The following ELK4 variants were observed in gnomAD, a reference collection of about 807,000 sequenced individuals.
ELK4 encodes the protein ETS domain-containing protein Elk-4.
In ELK4, 16 loss-of-function variants were observed where a neutral mutation model predicts 29.6. The ratio of observed to expected loss-of-function variants is 0.54; its 90% CI spans 0.37 to 0.82. The LOEUF (loss-of-function observed/expected upper bound fraction) is 0.82, where lower values mean the gene tolerates loss of function less well. Among genes scored for constraint, ELK4 ranks in the 40% least tolerant of loss-of-function variants. The probability of loss-of-function intolerance (pLI) is 0.00; values close to 1 mark genes in which losing one functional copy is unlikely to be tolerated. For synonymous variants in ELK4, 213 were observed against 191.1 expected, an observed-to-expected ratio of 1.11 and a Z score of -0.95; for missense variants, 465 against 507.1, an observed-to-expected ratio of 0.92 and a Z score of 0.80.
intron 1 of ELK4, among the ~76,000 whole-genome samples, chr1:205,630,641 TCTTACAATATTCTTA>T (rs1317546275): frequency 6.6e-6 from 1 of 152,242 alleles, no homozygotes; most frequent in Non-Finnish European, 1.5e-5. Flanking sequence ...CCTGCACAGT[TCTTACAATATTCTTA>T]CAATAAAACT....
chr1:205,631,541 T>G (rs1312194890), intron 1 of ELK4, 91 bp downstream of exon 1: 27 of 154,784 alleles, frequency 1.7e-4, no homozygotes, highest in African/African-American at 5.9e-4. Flanking sequence ...CTTCCTGTTG[T>G]GCCGCGCGCC....
Position 205,622,591 on chromosome 1 carries a change from C to A in ELK4, c.207+1085G>T, listed in dbSNP as rs562349620. ...TAGAGACGGGGTCTCCCTGTGTTGC[C>A]CAGTCTGGTCTCAAATTTCTGGGCT... is the stretch of plus-strand genomic sequence containing the variant. On this transcript the variant is annotated intron_variant, in intron 2 of 4. Transcript: ENST00000357992. Among the ~76,000 whole-genome samples the A allele has an allele frequency of 2.6e-5, 4 of 152,162 alleles. No homozygotes were observed. The South Asian group carries it at 8.3e-4, about 32-fold the overall frequency.
At chr1:205,619,308 T>TA (rs1200715171) in intron 3 of ELK4, 1 of 1,043,602 alleles carries the variant, frequency 9.6e-7, no homozygotes, top group Non-Finnish European at 1.2e-6. Context: ...TTTTTGGGGG[T>TA]ACAAGTGGTT....
At chr1:205,619,749 A>G (rs1013185996) in intron 3 of ELK4, 12 of 1,489,918 alleles carry the variant, frequency 8.1e-6, no homozygotes, top group African/African-American at 2.8e-5. Context: ...ATTTACTTGT[A>G]GAACAATGAA....
chr1:205,631,682 C>A lies in ELK4; in HGVS notation c.-60G>T. On this transcript the variant is annotated 5_prime_UTR_variant, in exon 1 of 5. Coordinates refer to ENST00000357992, the MANE Select transcript of ELK4 (RefSeq NM_001973.4). ...CGGTCTCCGCCTCGAACACGATGCG[C>A]CTCTCCGCCCTCAGCCTCCTCCTCA... The A allele has an allele frequency of 2.9e-6, 1 of 344,972 alleles. No homozygotes were observed. Among genetic ancestry groups the A allele is most frequent in the South Asian group, 1.9e-5 (1 of 51,878 alleles). The allele number at this position is 344,972 out of a possible 1,614,324, so 21.4% of individuals were successfully genotyped here. A position where few individuals can be genotyped will look rare whatever the true frequency, so the allele number is the denominator to read the frequency against.
At chr1:205,628,703 G>A (rs1282970820) in intron 1 of ELK4, among the ~76,000 whole-genome samples, 1 of 152,198 alleles carries the variant, frequency 6.6e-6, no homozygotes, top group Non-Finnish European at 1.5e-5. Context: ...TTCCCCAGAT[G>A]GTACAGGTTT....
rs1361859037 is a variant in ELK4, at chr1:205,612,563, T to C, written c.*3983A>G. ...GATCAATTTGTGTGTTCAAAAAGGCTGGACACTCCTTTTCTGAACCACTGC... is the reference window on the plus strand; with the variant it reads ...GATCAATTTGTGTGTTCAAAAAGGCCGGACACTCCTTTTCTGAACCACTGC... On this transcript the variant is annotated 3_prime_UTR_variant, in exon 5 of 5. Transcript: ENST00000357992. 4.7e-6 allele frequency: 1 copy of C among 213,522 alleles called. No individual in the cohort carries two copies. The highest frequency in any genetic ancestry group is 9.5e-6 in the Non-Finnish European group (1 of 105,810). 13.2% of individuals were successfully genotyped at this position (213,522 alleles called of 1,614,324 possible).
rs747756912 is a variant in ELK4 at position 205,618,952 on chromosome 1, A to G, written c.1197+5T>C. 16 of 1,596,730 alleles carry G rather than the reference A, an allele frequency of 1.0e-5. No individual in the cohort carries two copies. The highest frequency in any genetic ancestry group is 1.7e-4 in the Middle Eastern group (1 of 6,030). ...ACTACAGAAGACAGATATTTATAAA[A>G]TTACCTGGAAAAGTGTGTTAGCACC... On this transcript the variant is annotated splice_donor_5th_base_variant and intron_variant, in intron 4 of 4. Coordinates refer to ENST00000357992, the MANE Select transcript of ELK4 (RefSeq NM_001973.4).
intron 1 of ELK4, among the ~76,000 whole-genome samples, chr1:205,624,296 C>A (rs1670411431): frequency 6.6e-6 from 1 of 152,180 alleles, no homozygotes. Flanking sequence ...ATCCTAAAAT[C>A]TCATTGCTGT....
chr1:205,625,676 CTTCTT>C, intron 1 of ELK4: 1 of 813,484 alleles, frequency 1.2e-6, no homozygotes. Context: ...GCTGCTGCTG[CTTCTT>C]TTTTTTTTTT....
intron 1 of ELK4, among the ~76,000 whole-genome samples, chr1:205,624,736 G>C (rs1361739184): frequency 6.6e-6 from 1 of 152,078 alleles, no homozygotes; most frequent in Non-Finnish European, 1.5e-5. Flanking sequence ...ACTGCAGTTT[G>C]TCTAACAGCA....
In ELK4 at chr1:205,620,181, G is replaced by A; in HGVS notation, c.865C>T (p.Pro289Ser). The A allele has an allele frequency of 6.2e-7, 1 of 1,614,222 alleles. No homozygotes were observed. Among genetic ancestry groups the A allele is most frequent in the Non-Finnish European group, 8.5e-7 (1 of 1,180,042 alleles). ...DTDIDSVASQ[P>S]MELPENLSLE... ...GACAAATTCTCTGGAAGTTCCATTG[G>A]CTGAGAAGCCACTGAATCAATGTCT... Residue 289 changes from proline to serine, a missense_variant, in exon 3 of 5, where the codon CCA becomes TCA. Pro to Ser is a moderately conservative substitution (Grantham distance 74). Transcript: ENST00000357992.
chr1:205,619,759 A>AT, intron 3 of ELK4: 1 of 1,501,618 alleles, frequency 6.7e-7, no homozygotes, highest in South Asian at 1.4e-5. Context: ...AGAACAATGA[A>AT]TTTTTTAAGA....
intron 1 of ELK4, among the ~76,000 whole-genome samples, chr1:205,625,053 ACCTT>A (rs370503950): frequency 3.3e-4 from 51 of 152,272 alleles, no homozygotes; most frequent in African/African-American, 1.2e-3. Context: ...AAAACAAAAA[ACCTT>A]CCTTTCTCTA....
At position 205,616,297 on chromosome 1, in the gene ELK4, GAAAGAA is replaced by G. The variant is rs1558019712; in HGVS notation, c.*243_*248del. On this transcript the variant is annotated 3_prime_UTR_variant, in exon 5 of 5. Coordinates refer to ENST00000357992, the MANE Select transcript of ELK4 (RefSeq NM_001973.4). ...AAAGGAGAAAAGAAAAGGAAGGAAG[GAAAGAA>G]AAAGAAAAGGAAAAGACAGAGGGAG... The G allele has an allele frequency of 1.6e-5, 6 of 372,390 alleles. No homozygotes were observed. Among genetic ancestry groups the G allele is most frequent in the East Asian group, 3.8e-5 (1 of 26,642 alleles). 23.1% of individuals were successfully genotyped at this position (372,390 alleles called of 1,614,324 possible).
In ELK4 at chr1:205,613,311, T is replaced by C. The variant is rs889236359; in HGVS notation, c.*3235A>G. 5.2e-6 allele frequency: 1 copy of C among 191,040 alleles called. No homozygotes were observed. Among genetic ancestry groups the C allele is most frequent in the Non-Finnish European group, 1.1e-5 (1 of 91,568 alleles). 11.8% of individuals were successfully genotyped at this position (191,040 alleles called of 1,614,324 possible). On this transcript the variant is annotated 3_prime_UTR_variant, in exon 5 of 5. Transcript: ENST00000357992. ...ACACCAAGACTCCATCTCTAAAAAA[T>C]TAAATTAAAGGATTACTGAAAGATC...
chr1:205,615,839 T>G lies in ELK4; in HGVS notation c.*707A>C, dbSNP rs925692511. ...TCTTAAACCCCAGGTCTAAAAATCT[T>G]TCTATAGTGAAATAGACTAGCTCCA... On this transcript the variant is annotated 3_prime_UTR_variant, in exon 5 of 5. Coordinates refer to ENST00000357992, the MANE Select transcript of ELK4 (RefSeq NM_001973.4). 4.7e-6 allele frequency: 1 copy of G among 211,688 alleles called. No homozygotes were observed. Among genetic ancestry groups the G allele is most frequent in the Non-Finnish European group, 9.6e-6 (1 of 104,460 alleles). The allele number at this position is 211,688 out of a possible 1,614,324, so 13.1% of individuals were successfully genotyped here.
At chr1:205,628,724 T>C (rs1241735468) in intron 1 of ELK4, among the ~76,000 whole-genome samples, 1 of 152,222 alleles carries the variant, frequency 6.6e-6, no homozygotes, top group Non-Finnish European at 1.5e-5. Flanking sequence ...AACTTGCACC[T>C]TCCCTGTTGG....
In ELK4 at chr1:205,611,976, A is replaced by G. The variant is rs1670156608; in HGVS notation, c.*4570T>C. The G allele has an allele frequency of 5.4e-6, 1 of 186,602 alleles. No homozygotes were observed. Among genetic ancestry groups the G allele is most frequent in the Non-Finnish European group, 1.1e-5 (1 of 88,354 alleles). The allele number at this position is 186,602 out of a possible 1,614,324, so 11.6% of individuals were successfully genotyped here. A position where few individuals can be genotyped will look rare whatever the true frequency, so the allele number is the denominator to read the frequency against. ...AAAATGTAACTTGTTATATATTTTAACATAAAGCAACTTGAAATAATTCTA... is the reference window on the plus strand; with the variant it reads ...AAAATGTAACTTGTTATATATTTTAGCATAAAGCAACTTGAAATAATTCTA... On this transcript the variant is annotated 3_prime_UTR_variant, in exon 5 of 5. Coordinates refer to ENST00000357992, the MANE Select transcript of ELK4 (RefSeq NM_001973.4).
Sources: gnomAD v4.1 joint callset for allele counts (sites outside exome capture counted in the v4.1 genomes callset) on GRCh38, gnomAD v4.1.1 for gene constraint, MANE v1.5 for transcripts, NCBI Gene and HGNC (gene_info 2026-07-23, HGNC 2026-07-21) for gene names.